The following AIG1 variants were observed in gnomAD, a reference collection of about 807,000 sequenced individuals.
AIG1 encodes the protein androgen induced 1, also known as androgen-induced gene 1 protein.
In AIG1, 23 loss-of-function variants were observed where a neutral mutation model predicts 31.4. The ratio of observed to expected loss-of-function variants is 0.73; its 90% CI spans 0.53 to 1.04. The LOEUF is 1.04. Among genes scored for constraint, AIG1 ranks in the 50% least tolerant of loss-of-function variants. AIG1 has a pLI of 0.00. For synonymous variants in AIG1, 100 were observed against 110.5 expected (o/e 0.90, Z 0.60); for missense variants, 274 against 295.0 (o/e 0.93, Z 0.52).
chr6:143,155,553 G>A (rs1481802094), intron 2 of AIG1, among the ~76,000 whole-genome samples: 1 of 152,048 alleles, frequency 6.6e-6, no homozygotes, highest in Non-Finnish European at 1.5e-5. Context: ...AGTTAAGTAG[G>A]CCGGTGTTAC....
At position 143,338,244 on chromosome 6, in the gene AIG1, C is replaced by T. The variant is rs142980116; in HGVS notation, c.680-1395C>T. On this transcript the variant is annotated intron_variant, in intron 5 of 5. Coordinates refer to ENST00000357847, the MANE Select transcript of AIG1 (RefSeq NM_016108.4). This position sits in a 1 kb window ranked among gnomAD's most constrained non-coding sequence, Gnocchi z 4.3. ...TGAATCTGTGCTGTTTTCTTCTTTC[C>T]GTGGTTACCCAACAACGAAGGCGTG... is the stretch of plus-strand genomic sequence containing the variant. The T allele has an allele frequency of 7.8e-6, 3 of 384,106 alleles. No individual in the cohort carries two copies. The highest frequency in any genetic ancestry group is 1.4e-5 in the Non-Finnish European group (3 of 217,372). 23.8% of individuals were successfully genotyped at this position (384,106 alleles called of 1,614,324 possible).
chr6:143,267,447 A>G (rs912190754), intron 3 of AIG1, among the ~76,000 whole-genome samples: 3 of 152,274 alleles, frequency 2.0e-5, no homozygotes, highest in Non-Finnish European at 4.4e-5. Context: ...TATTTTTATA[A>G]TCCTCTACTC....
In AIG1 at chr6:143,126,535, G is replaced by A. The variant is rs111300436; in HGVS notation, c.142-10300G>A. The stretch of plus-strand genomic sequence containing the variant: ...AGAAAGATGTCTGTGGAAAGCGGGG[G>A]ATCCCTTGAAGATGGTGTTTTATAG... On this transcript the variant is annotated intron_variant, in intron 1 of 5. Transcript: ENST00000357847. Among the ~76,000 whole-genome samples the A allele has an allele frequency of 3.9e-5, 6 of 152,300 alleles. 1 individual carries two copies. The highest frequency in any genetic ancestry group is 1.4e-4 in the African/African-American group (6 of 41,570).
intron 1 of AIG1, among the ~76,000 whole-genome samples, chr6:143,077,273 C>G (rs184540946): frequency 1.1e-4 from 17 of 152,216 alleles, no homozygotes; most frequent in Non-Finnish European, 2.2e-4. Flanking sequence ...TATTATGTTA[C>G]CCAGATATTT....
At chr6:143,275,723 AGAGC>A (rs1002270404) in intron 3 of AIG1, among the ~76,000 whole-genome samples, 2 of 152,210 alleles carry the variant, frequency 1.3e-5, no homozygotes, top group African/African-American at 2.4e-5. Context: ...ATAACCAAGC[AGAGC>A]AAATCACTCT....
At chr6:143,152,312 T>C (rs1386760366) in intron 2 of AIG1, among the ~76,000 whole-genome samples, 1 of 152,260 alleles carries the variant, frequency 6.6e-6, no homozygotes, top group East Asian at 1.9e-4. Flanking sequence ...TCCTGTGTAC[T>C]TATAGCTACC....
intron 3 of AIG1, among the ~76,000 whole-genome samples, chr6:143,180,795 C>A (rs1410543104): frequency 6.6e-6 from 1 of 152,126 alleles, no homozygotes; most frequent in Non-Finnish European, 1.5e-5. Flanking sequence ...AAATAATAAA[C>A]CCCACCCCTC....
At chr6:143,249,592 C>G (rs534692371) in intron 3 of AIG1, among the ~76,000 whole-genome samples, 4 of 152,324 alleles carry the variant, frequency 2.6e-5, no homozygotes, top group Admixed American at 1.3e-4. Context: ...GCTCTCCAAT[C>G]TCTGCTCCTT....
chr6:143,293,944 C>T lies in AIG1; in HGVS notation c.515+9719C>T, dbSNP rs568906470. Reference sequence around the variant, plus strand: ...TCCCCTCCACCTCCACCTCACTCTCCCAGTCCTCCCAGCAGATGGCCTGGC... The same window carrying T: ...TCCCCTCCACCTCCACCTCACTCTCTCAGTCCTCCCAGCAGATGGCCTGGC... On this transcript the variant is annotated intron_variant, in intron 4 of 5. Coordinates refer to ENST00000357847, the MANE Select transcript of AIG1 (RefSeq NM_016108.4). This position sits in a 1 kb window ranked among gnomAD's most constrained non-coding sequence, Gnocchi z 4.8. Among the ~76,000 whole-genome samples, 9 of 152,258 alleles carry T rather than the reference C, an allele frequency of 5.9e-5. No homozygotes were observed. Among genetic ancestry groups the T allele is most frequent in the African/African-American group, 2.2e-4 (9 of 41,538 alleles).
At chr6:143,125,098 AT>A (rs1337423396) in intron 1 of AIG1, among the ~76,000 whole-genome samples, 32 of 152,194 alleles carry the variant, frequency 2.1e-4, no homozygotes, top group Admixed American at 2.1e-3. Context: ...CTTTAATGAT[AT>A]TTTTAGCAGT....
Position 143,152,014 on chromosome 6 carries a change from T to A in AIG1, c.298-13068T>A, listed in dbSNP as rs375768680. On this transcript the variant is annotated intron_variant, in intron 2 of 5. Coordinates refer to ENST00000357847, the MANE Select transcript of AIG1 (RefSeq NM_016108.4). ...CTTTAATGCCCATACACCTACTCAC[T>A]ATTAAGATCATTTTTCTTCTGTTAA... Among the ~76,000 whole-genome samples, 14 of 152,340 alleles carry A rather than the reference T, an allele frequency of 9.2e-5. No homozygotes were observed. The East Asian group carries it at 1.7e-3, about 19-fold the overall frequency.
chr6:143,085,519 A>G (rs1489300415), intron 1 of AIG1, among the ~76,000 whole-genome samples: 2 of 152,196 alleles, frequency 1.3e-5, no homozygotes, highest in Non-Finnish European at 2.9e-5. Context: ...GGTGAGTCCT[A>G]GAGCTGGGCT....
At position 143,328,940 on chromosome 6, in the gene AIG1, G is replaced by A. The variant is rs1484066471; in HGVS notation, c.516-4342G>A. Among the ~76,000 whole-genome samples, 1 of 152,156 alleles carries A rather than the reference G, an allele frequency of 6.6e-6. No individual in the cohort carries two copies. The highest frequency in any genetic ancestry group is 1.9e-4 in the East Asian group (1 of 5,196). ...CTAAGACAAGAAGACCTTAGAAGGA[G>A]AGAAATTAAAAGTCAGCCAAGAACT... On this transcript the variant is annotated intron_variant, in intron 4 of 5. Coordinates refer to ENST00000357847, the MANE Select transcript of AIG1 (RefSeq NM_016108.4). This position sits in a 1 kb window ranked among gnomAD's most constrained non-coding sequence, Gnocchi z 4.0.
At chr6:143,137,094 T>C (rs1030203479) in intron 2 of AIG1, 104 bp downstream of exon 2, 7 of 1,234,348 alleles carry the variant, frequency 5.7e-6, no homozygotes, top group African/African-American at 4.6e-5. Flanking sequence ...TTCTGTATTA[T>C]TAGTTTGCTG....
chr6:143,188,548 G>A (rs759670277), intron 3 of AIG1: 35 of 985,172 alleles, frequency 3.6e-5, no homozygotes, highest in Non-Finnish European at 4.0e-5. Flanking sequence ...TCCAAGTTTG[G>A]GGCAGTCAAG....
intron 3 of AIG1, among the ~76,000 whole-genome samples, chr6:143,177,079 T>C (rs919793539): frequency 3.9e-5 from 6 of 152,260 alleles, no homozygotes; most frequent in African/African-American, 1.4e-4. Flanking sequence ...TGATCTAGTC[T>C]ATTATTGAAG....
chr6:143,114,297 A>C (rs972924701), intron 1 of AIG1, among the ~76,000 whole-genome samples: 1 of 152,346 alleles, frequency 6.6e-6, no homozygotes, highest in Admixed American at 6.5e-5. Context: ...TCTCCTAAAA[A>C]ACCAGTGTGA....
chr6:143,295,183 G>C (rs917151138), intron 4 of AIG1, among the ~76,000 whole-genome samples: 2 of 152,134 alleles, frequency 1.3e-5, no homozygotes, highest in Non-Finnish European at 2.9e-5. Context: ...TTGTTCACCA[G>C]TTTCTGAGTT....
At chr6:143,101,426 A>T (rs903130781) in intron 1 of AIG1, among the ~76,000 whole-genome samples, 1 of 152,204 alleles carries the variant, frequency 6.6e-6, no homozygotes. Context: ...GTTGGGGGAA[A>T]GAGGGATAAG....
Sources: allele counts gnomAD v4.1 joint callset (sites outside exome capture counted in the v4.1 genomes callset), GRCh38; gene constraint gnomAD v4.1.1; non-coding constraint Gnocchi (gnomAD v3.1); transcripts MANE v1.5; gene names NCBI Gene and HGNC (gene_info 2026-07-23, HGNC 2026-07-21).